GNAO1: variants seen among roughly 807,000 people sequenced by gnomAD.
GNAO1 encodes the protein G protein subunit alpha o1, also known as guanine nucleotide-binding protein G(o) subunit alpha.
For missense variants in GNAO1, 166 were observed against 478.7 expected (o/e 0.35, Z 6.10); for synonymous variants, 164 against 180.7 (o/e 0.91, Z 0.74).
At chr16:56,298,541 C>T (rs1481212062) in intron 3 of GNAO1, among the ~76,000 whole-genome samples, 1 of 152,118 alleles carries the variant, frequency 6.6e-6, no homozygotes, top group Non-Finnish European at 1.5e-5. Context: ...AATAAGAATC[C>T]AAAACATAGC....
chr16:56,231,734 C>G (rs1346975497), intron 2 of GNAO1, among the ~76,000 whole-genome samples: 1 of 152,186 alleles, frequency 6.6e-6, no homozygotes, highest in Non-Finnish European at 1.5e-5. Flanking sequence ...GAAAAATCAC[C>G]AGGCTTGGTA....
chr16:56,302,761 T>G (rs563425282), intron 3 of GNAO1: 36 of 152,374 alleles, frequency 2.4e-4, no homozygotes, highest in Non-Finnish European at 4.4e-4. Flanking sequence ...GCTGCCGTGT[T>G]GCCAATACCA....
chr16:56,206,450 A>G (rs1029653992), intron 2 of GNAO1, among the ~76,000 whole-genome samples: 1 of 152,136 alleles, frequency 6.6e-6, no homozygotes, highest in Non-Finnish European at 1.5e-5. Flanking sequence ...CCTGACTTAT[A>G]CATTAAAAGA....
intron 2 of GNAO1, among the ~76,000 whole-genome samples, chr16:56,243,555 C>G (rs989535606): frequency 1.3e-5 from 2 of 152,072 alleles, no homozygotes; most frequent in African/African-American, 4.8e-5. Context: ...TGACCAATAG[C>G]ACATGAAAAG....
At chr16:56,293,000 A>T (rs2037246906) in intron 3 of GNAO1, among the ~76,000 whole-genome samples, 1 of 151,762 alleles carries the variant, frequency 6.6e-6, no homozygotes, top group African/African-American at 2.4e-5. Flanking sequence ...GCCCGAGCCA[A>T]CTCCCCTGTG....
chr16:56,339,459 C>T (rs554515299), intron 6 of GNAO1, among the ~76,000 whole-genome samples: 2 of 152,262 alleles, frequency 1.3e-5, no homozygotes, highest in Non-Finnish European at 2.9e-5. Flanking sequence ...GCTCTGTCTG[C>T]CTCAGGGAGG....
intron 2 of GNAO1, among the ~76,000 whole-genome samples, chr16:56,253,569 G>A (rs1367654713): frequency 6.6e-6 from 1 of 152,266 alleles, no homozygotes; most frequent in Admixed American, 6.5e-5. Flanking sequence ...TGGGGCGGGT[G>A]TTGGTCACTC....
In GNAO1 at chr16:56,320,677, T is replaced by G. The variant is rs79669790; in HGVS notation, c.304-7954T>G. Among the ~76,000 whole-genome samples, 391 of 152,224 alleles carry G rather than the reference T, an allele frequency of 2.6e-3. 2 individuals are homozygous for G. The highest frequency in any genetic ancestry group is 9.0e-3 in the African/African-American group (372 of 41,520). On this transcript the variant is annotated intron_variant, in intron 3 of 8. Coordinates refer to ENST00000262493, the MANE Select transcript of GNAO1 (RefSeq NM_020988.3). ...ATGGTGGGTTCCAGCAGGTGCGGAA[T>G]GATGAGGTGGGGGCATTCTGGGCCC...
At chr16:56,323,918 G>T (rs2037602774) in intron 3 of GNAO1, among the ~76,000 whole-genome samples, 1 of 152,136 alleles carries the variant, frequency 6.6e-6, no homozygotes, top group Non-Finnish European at 1.5e-5. Flanking sequence ...AAGAAGAACT[G>T]CAGGGCACTG....
chr16:56,328,530 TG>T, intron 3 of GNAO1, 100 bp from the exon 4 acceptor site: 1 of 1,208,842 alleles, frequency 8.3e-7, no homozygotes, highest in Non-Finnish European at 1.2e-6. Context: ...CTGCACTGGC[TG>T]GGCTCTCATC....
chr16:56,295,878 G>A lies in GNAO1; in HGVS notation c.303+19806G>A, dbSNP rs186124592. Reference sequence around the variant, plus strand: ...TGTTTGGGGGAGACCACCTTGCACAGGCAAGGCTCGGCTGTCACTGGCGTC... The same window carrying A: ...TGTTTGGGGGAGACCACCTTGCACAAGCAAGGCTCGGCTGTCACTGGCGTC... On this transcript the variant is annotated intron_variant, in intron 3 of 8. Coordinates refer to ENST00000262493, the MANE Select transcript of GNAO1 (RefSeq NM_020988.3). Among the ~76,000 whole-genome samples, 23 of 152,350 alleles carry A rather than the reference G, an allele frequency of 1.5e-4. No individual in the cohort carries two copies. The East Asian group carries it at 4.3e-3, about 28-fold the overall frequency.
intron 2 of GNAO1, among the ~76,000 whole-genome samples, chr16:56,266,035 T>C (rs1207252266): frequency 1.3e-5 from 2 of 152,220 alleles, no homozygotes; most frequent in Non-Finnish European, 2.9e-5. Context: ...TTCTTATCAC[T>C]GAGGCCTCAG....
intron 2 of GNAO1, among the ~76,000 whole-genome samples, chr16:56,198,808 C>T (rs1210733328): frequency 6.6e-6 from 1 of 152,176 alleles, no homozygotes; most frequent in Non-Finnish European, 1.5e-5. Flanking sequence ...GGGACTTAGC[C>T]ACCCTGAGAA....
chr16:56,264,742 A>G (rs2036935393), intron 2 of GNAO1, among the ~76,000 whole-genome samples: 1 of 148,868 alleles, frequency 6.7e-6, no homozygotes. Flanking sequence ...AAAATATAGT[A>G]TTAAATATAG....
At chr16:56,322,281 G>A (rs2037581024) in intron 3 of GNAO1, among the ~76,000 whole-genome samples, 1 of 152,158 alleles carries the variant, frequency 6.6e-6, no homozygotes, top group South Asian at 2.1e-4. Flanking sequence ...CATGTGTTTT[G>A]TCACATCTCA....
chr16:56,345,221 G>A, intron 6 of GNAO1: 19 of 985,588 alleles, frequency 1.9e-5, no homozygotes, highest in Non-Finnish European at 2.2e-5. Context: ...GATGCCTCCA[G>A]GTGGCTGAGG....
chr16:56,265,099 C>T (rs556334671), intron 2 of GNAO1, among the ~76,000 whole-genome samples: 7 of 152,322 alleles, frequency 4.6e-5, no homozygotes, highest in Admixed American at 1.3e-4. Context: ...GAAGCACCCT[C>T]GTGGTCAGAC....
At chr16:56,272,943 C>G (rs928795554) in intron 2 of GNAO1, among the ~76,000 whole-genome samples, 3 of 152,172 alleles carry the variant, frequency 2.0e-5, no homozygotes, top group Admixed American at 6.5e-5. Context: ...CCAGCAAATC[C>G]TGCCTGCACC....
chr16:56,280,493 A>G (rs1286100100), intron 3 of GNAO1, among the ~76,000 whole-genome samples: 6 of 152,072 alleles, frequency 3.9e-5, no homozygotes, highest in African/African-American at 1.4e-4. Context: ...TGTTAGCAGT[A>G]GGCAGCCGTG....
Sources: allele counts gnomAD v4.1 joint callset (sites outside exome capture counted in the v4.1 genomes callset), GRCh38; gene constraint gnomAD v4.1.1; transcripts MANE v1.5; gene names NCBI Gene and HGNC (gene_info 2026-07-23, HGNC 2026-07-21).